SLK: variants seen among roughly 807,000 people sequenced by gnomAD.
SLK encodes STE20-like serine/threonine-protein kinase.
A neutral mutation model predicts 147.7 loss-of-function variants in SLK; 67 were observed. That is an observed-to-expected ratio of 0.45 (90% CI 0.37 to 0.56). SLK has a LOEUF of 0.56. Ranked by LOEUF, SLK falls within the 20% of genes least tolerant of loss-of-function variation. The pLI is 0.00. For synonymous variants in SLK, 441 were observed against 475.0 expected (o/e 0.93, Z 0.93); for missense variants, 1,136 against 1,438.8 (o/e 0.79, Z 3.41).
At chr10:104,020,412 A>T in intron 16 of SLK, 76 bp from the exon 17 acceptor site, 1 of 1,413,032 alleles carries the variant, frequency 7.1e-7, no homozygotes, top group Non-Finnish European at 9.6e-7. Context: ...TGTTTTGTTA[A>T]ATTCCTTTAT....
chr10:103,992,968 TACTTTC>T lies in SLK; in HGVS notation c.365-15_365-10del. On this transcript the variant is annotated splice_polypyrimidine_tract_variant and intron_variant, in intron 3 of 18. Transcript: ENST00000369755. ...TGTATAAAAAGCAGATTTTTTTTTT[TACTTTC>T]TCCTTATAGAACTTGAGAGACCATT... The T allele has an allele frequency of 1.9e-6, 3 of 1,594,656 alleles. No individual in the cohort carries two copies. The highest frequency in any genetic ancestry group is 2.6e-6 in the Non-Finnish European group (3 of 1,171,216).
Position 104,010,796 on chromosome 10 carries a change from T to C in SLK, c.2785-20T>C. The C allele has an allele frequency of 6.8e-7, 1 of 1,460,692 alleles. No individual in the cohort carries two copies. Among genetic ancestry groups the C allele is most frequent in the South Asian group, 1.4e-5 (1 of 73,102 alleles). The allele number at this position is 1,460,692 out of a possible 1,614,324, so 90.5% of individuals were successfully genotyped here. A position where few individuals can be genotyped will look rare whatever the true frequency, so the allele number is the denominator to read the frequency against. On this transcript the variant is annotated intron_variant, in intron 12 of 18. Coordinates refer to ENST00000369755, the MANE Select transcript of SLK (RefSeq NM_014720.4). ...GAGAAAGTATCATTTCCCCACCTCC[T>C]GCATGCTTATACACTGTAGGTTATA...
At chr10:104,016,331 G>A (rs1005217924) in intron 13 of SLK, among the ~76,000 whole-genome samples, 6 of 150,674 alleles carry the variant, frequency 4.0e-5, no homozygotes, top group Admixed American at 3.3e-4. Flanking sequence ...AAAAAAAAAA[G>A]AAAAATTTTA....
Position 103,999,172 on chromosome 10 carries a change from A to G in SLK, c.641A>G (p.Tyr214Cys), listed in dbSNP as rs951969604. The change falls in exon 6 of 19, where the codon TAC (tyrosine) becomes TGC (cysteine). Residue 214 changes from tyrosine to cysteine, a missense_variant. Physicochemically the swap from Tyr to Cys is radical, Grantham distance 194. Transcript: ENST00000369755. Reference sequence around the variant, plus strand: ...ACATCTAAGGACAGACCCTATGACTACAAAGCTGATGTTTGGTCCCTGGGT... The same window carrying G: ...ACATCTAAGGACAGACCCTATGACTGCAAAGCTGATGTTTGGTCCCTGGGT... ...CETSKDRPYDYKADVWSLGIT... is the reference protein window; with the variant it reads ...CETSKDRPYDCKADVWSLGIT... 1.2e-6 allele frequency: 2 copies of G among 1,613,740 alleles called. No homozygotes were observed. The highest frequency in any genetic ancestry group is 1.7e-6 in the Non-Finnish European group (2 of 1,179,762).
chr10:104,027,540 T>C lies in SLK; in HGVS notation c.*1820T>C, dbSNP rs1437800213. On this transcript the variant is annotated 3_prime_UTR_variant, in exon 19 of 19. Coordinates refer to ENST00000369755, the MANE Select transcript of SLK (RefSeq NM_014720.4). Reference sequence around the variant, plus strand: ...TATAAAGTAATATTCAGGATGATGATAAAAATTGTTTATATTGTTATGATA... The same window carrying C: ...TATAAAGTAATATTCAGGATGATGACAAAAATTGTTTATATTGTTATGATA... 6.6e-6 allele frequency: 1 copy of C among 152,574 alleles called. No individual in the cohort carries two copies. The highest frequency in any genetic ancestry group is 1.5e-5 in the Non-Finnish European group (1 of 68,026). 9.5% of individuals were successfully genotyped at this position (152,574 alleles called of 1,614,324 possible).
chr10:104,005,547 A>G lies in SLK; in HGVS notation c.2350-14A>G. On this transcript the variant is annotated splice_polypyrimidine_tract_variant and intron_variant, in intron 9 of 18. Coordinates refer to ENST00000369755, the MANE Select transcript of SLK (RefSeq NM_014720.4). Reference sequence around the variant, plus strand: ...TCCTTGTACAAAGCCTAACTAAAATAAAATCTCACTCAGGAAACAAGAAGA... The same window carrying G: ...TCCTTGTACAAAGCCTAACTAAAATGAAATCTCACTCAGGAAACAAGAAGA... The G allele has an allele frequency of 6.3e-7, 1 of 1,594,006 alleles. No homozygotes were observed. Among genetic ancestry groups the G allele is most frequent in the Non-Finnish European group, 8.5e-7 (1 of 1,173,914 alleles).
intron 11 of SLK, among the ~76,000 whole-genome samples, chr10:104,007,006 A>T (rs1844335285): frequency 6.6e-6 from 1 of 152,190 alleles, no homozygotes; most frequent in African/African-American, 2.4e-5. Context: ...AGTGTTATAT[A>T]AACAGGAGTC....
At chr10:103,994,884 C>T (rs565017986) in intron 4 of SLK, among the ~76,000 whole-genome samples, 1 of 152,312 alleles carries the variant, frequency 6.6e-6, no homozygotes, top group East Asian at 1.9e-4. Context: ...TGATCAGTCT[C>T]AAGCCTGATC....
At chr10:103,993,533 T>TC (rs1363597168) in intron 4 of SLK, among the ~76,000 whole-genome samples, 1 of 152,172 alleles carries the variant, frequency 6.6e-6, no homozygotes, top group Non-Finnish European at 1.5e-5. Flanking sequence ...AGTGAGTTTT[T>TC]CCCCATGTTT....
At position 104,002,540 on chromosome 10, in the gene SLK, T is replaced by G. The variant is rs1564658181; in HGVS notation, c.1362T>G (p.Asn454Lys). Residue 454 changes from asparagine to lysine, a missense_variant, in exon 9 of 19, where the codon AAT becomes AAG. Transcript: ENST00000369755. ...INSVSEGKEN[N>K]IMITLETNIE... ...CAGTCAGTGAAGGAAAAGAGAATAA[T>G]ATAATGATAACCTTAGAAACAAATA... The G allele has an allele frequency of 6.2e-7, 1 of 1,609,158 alleles. No homozygotes were observed.
chr10:104,015,853 C>T (rs746303085), intron 13 of SLK, among the ~76,000 whole-genome samples: 2 of 151,740 alleles, frequency 1.3e-5, no homozygotes, highest in African/African-American at 2.4e-5. Context: ...TTTTTTTGTG[C>T]CTAAATGTAA....
At chr10:103,994,976 CA>C (rs1018237246) in intron 4 of SLK, among the ~76,000 whole-genome samples, 17 of 152,212 alleles carry the variant, frequency 1.1e-4, no homozygotes, top group Non-Finnish European at 2.1e-4. Flanking sequence ...TTTGATGTTG[CA>C]TCTATTGAGG....
intron 13 of SLK, among the ~76,000 whole-genome samples, chr10:104,012,245 AC>A (rs1157731946): frequency 6.6e-6 from 1 of 152,200 alleles, no homozygotes; most frequent in Non-Finnish European, 1.5e-5. Context: ...ATATTTTAAA[AC>A]TGCCATTTAC....
chr10:104,018,720 TGAA>T, intron 14 of SLK, 61 bp from the exon 15 acceptor site: 3 of 1,521,074 alleles, frequency 2.0e-6, no homozygotes, highest in Non-Finnish European at 2.7e-6. Flanking sequence ...AATATTAAAA[TGAA>T]GAGCAAAGTA....
At chr10:103,971,274 TTG>T (rs1362877166) in intron 1 of SLK, among the ~76,000 whole-genome samples, 1 of 151,894 alleles carries the variant, frequency 6.6e-6, no homozygotes, top group Non-Finnish European at 1.5e-5. Context: ...GTTGTTTTGT[TTG>T]TGTTTTGTTT....
intron 1 of SLK, among the ~76,000 whole-genome samples, chr10:103,989,902 T>C (rs1844069351): frequency 6.6e-6 from 1 of 152,210 alleles, no homozygotes; most frequent in Non-Finnish European, 1.5e-5. Context: ...TTATAGAAGC[T>C]TTATCCATAA....
At chr10:103,989,769 A>T (rs926335040) in intron 1 of SLK, among the ~76,000 whole-genome samples, 5 of 152,150 alleles carry the variant, frequency 3.3e-5, no homozygotes, top group African/African-American at 1.2e-4. Flanking sequence ...CGCCCGGCCA[A>T]CAATTTGGCA....
At chr10:103,987,555 A>G (rs1589530312) in intron 1 of SLK, among the ~76,000 whole-genome samples, 1 of 152,208 alleles carries the variant, frequency 6.6e-6, no homozygotes, top group East Asian at 1.9e-4. Context: ...TAAAAGTGAG[A>G]TTTAGACATT....
intron 4 of SLK, among the ~76,000 whole-genome samples, chr10:103,993,921 G>T (rs992553732): frequency 6.6e-6 from 1 of 151,968 alleles, no homozygotes; most frequent in South Asian, 2.1e-4. Context: ...TTTTAACGGA[G>T]TCTTGCTCTG....
Sources: allele counts gnomAD v4.1 joint callset (sites outside exome capture counted in the v4.1 genomes callset), GRCh38; gene constraint gnomAD v4.1.1; transcripts MANE v1.5; gene names NCBI Gene and HGNC (gene_info 2026-07-23, HGNC 2026-07-21).